UBR4: variants seen among roughly 807,000 people sequenced by gnomAD.
UBR4 encodes the protein E3 ubiquitin-protein ligase UBR4.
In UBR4, 124 loss-of-function variants were observed where a neutral mutation model predicts 575.6. The ratio of observed to expected loss-of-function variants is 0.22; its 90% CI spans 0.19 to 0.25. The LOEUF (loss-of-function observed/expected upper bound fraction) is 0.25. UBR4 is among the 10% of genes least tolerant of loss of function. The pLI, the probability that UBR4 is intolerant of heterozygous loss-of-function variation, is 1.00. For missense variants in UBR4, 4,818 were observed against 6,478.8 expected, an observed-to-expected ratio of 0.74 and a Z score of 8.80; for synonymous variants, 2,455 against 2,473.7, an observed-to-expected ratio of 0.99 and a Z score of 0.22.
chr1:19,187,112 T>C (rs544705653), intron 13 of UBR4, 52 bp downstream of exon 13: 22 of 1,348,760 alleles, frequency 1.6e-5, no homozygotes, highest in Non-Finnish European at 2.2e-5. Context: ...ATATATCATA[T>C]ATATAAAATG....
Position 19,105,860 on chromosome 1 carries a change from G to A in UBR4, c.12394-18C>T, listed in dbSNP as rs979389116. Reference sequence around the variant, plus strand: ...AAAAGCACCTGCAGGACAGGGGAGAGAAGGGGTCGTAGACTCAGAGGATGC... The same window carrying A: ...AAAAGCACCTGCAGGACAGGGGAGAAAAGGGGTCGTAGACTCAGAGGATGC... On this transcript the variant is annotated intron_variant, in intron 83 of 105. Transcript: ENST00000375254. 6.4e-7 allele frequency: 1 copy of A among 1,554,488 alleles called. No individual in the cohort carries two copies. The highest frequency in any genetic ancestry group is 1.4e-5 in the African/African-American group (1 of 72,856).
At chr1:19,122,800 C>T (rs761831730) in intron 66 of UBR4, 33 bp downstream of exon 66, 3 of 1,612,976 alleles carry the variant, frequency 1.9e-6, no homozygotes, top group East Asian at 2.2e-5. Context: ...TCACATCCCC[C>T]CTCCCTGCCC....
chr1:19,149,731 T>C (rs1220078845), intron 49 of UBR4: 1 of 1,298,610 alleles, frequency 7.7e-7, no homozygotes, highest in African/African-American at 1.5e-5. Context: ...ACACACTCAC[T>C]CGTGCAGAGA....
Position 19,160,260 on chromosome 1 carries a change from G to C in UBR4, c.5428C>G (p.Leu1810Val). ...AGGAAATTAAGCATGTCTAACACGA[G>C]AGGAGCGAAGGAGAAATTGGCCTGA... ...QNQANFSFAP[L>V]VLDMLNFLMD... The change falls in exon 39 of 106, where the codon CTC becomes GTC. Residue 1810 changes from leucine (L) to valine (V), a missense_variant. Leu to Val is a conservative substitution (Grantham distance 32). Coordinates refer to ENST00000375254, the MANE Select transcript of UBR4 (RefSeq NM_020765.3). 6.2e-7 allele frequency: 1 copy of C among 1,610,886 alleles called. No homozygotes were observed. Among genetic ancestry groups the C allele is most frequent in the Non-Finnish European group, 8.5e-7 (1 of 1,178,974 alleles).
At position 19,086,684 on chromosome 1, in the gene UBR4, G is replaced by A. The variant is rs142219121; in HGVS notation, c.14682C>T (p.Ala4894=). 38 of 1,614,018 alleles carry A rather than the reference G, an allele frequency of 2.4e-5. No homozygotes were observed. The highest frequency in any genetic ancestry group is 2.9e-5 in the Non-Finnish European group (34 of 1,179,984). ...NIVHYDCHLA[A]VRLARGREEW... ...CCGCAAGAGCCAGGGCCTACCTGAC[G>A]GCAGCCAGATGGCAGTCGTAGTGCA... The change falls in exon 100 of 106, where the codon GCC becomes GCT. Residue 4894 remains alanine (A), a synonymous_variant. Coordinates refer to ENST00000375254, the MANE Select transcript of UBR4 (RefSeq NM_020765.3).
chr1:19,075,628 G>C (rs573456401), intron 105 of UBR4: 1 of 153,420 alleles, frequency 6.5e-6, no homozygotes, highest in Non-Finnish European at 1.4e-5. Flanking sequence ...GGTCGACGAA[G>C]ACCATCCCAG....
rs552600430 is a variant in UBR4, at chr1:19,117,590, G to C, written c.10630-176C>G. Among the ~76,000 whole-genome samples the C allele has an allele frequency of 1.3e-5, 2 of 152,100 alleles. No individual in the cohort carries two copies. The highest frequency in any genetic ancestry group is 4.8e-5 in the African/African-American group (2 of 41,408). Reference sequence around the variant, plus strand: ...TTGCCCAGGCTGGTCTAAAACCCCTGGGCTCAGGGGATCCTCCCATCTTAG... The same window carrying C: ...TTGCCCAGGCTGGTCTAAAACCCCTCGGCTCAGGGGATCCTCCCATCTTAG... On this transcript the variant is annotated intron_variant, in intron 72 of 105. Transcript: ENST00000375254. This position sits in a 1 kb window ranked among gnomAD's most constrained non-coding sequence, Gnocchi z 4.0.
intron 81 of UBR4, among the ~76,000 whole-genome samples, chr1:19,107,580 C>T (rs1351647751): frequency 6.6e-6 from 1 of 152,018 alleles, no homozygotes; most frequent in Admixed American, 6.6e-5. Context: ...TCCAGGAGTT[C>T]GAGACCAGCC....
intron 66 of UBR4, 141 bp from the exon 67 acceptor site, chr1:19,122,153 G>C (rs1056385962): frequency 5.8e-5 from 47 of 812,724 alleles, no homozygotes; most frequent in Admixed American, 8.3e-5. Context: ...TGCTTGCTGA[G>C]ATGTCTGGTC....
In UBR4 at chr1:19,197,106, C is replaced by G. The variant is rs746935086; in HGVS notation, c.1018+35G>C. 3.7e-6 allele frequency: 6 copies of G among 1,608,300 alleles called. No homozygotes were observed. In the East Asian group the frequency reaches 1.3e-4, roughly 36 times the overall value. On this transcript the variant is annotated intron_variant, in intron 8 of 105. Coordinates refer to ENST00000375254, the MANE Select transcript of UBR4 (RefSeq NM_020765.3). ...TTCCTGAAAGTATATCTCTGCTTGA[C>G]TGAGAAAATGAGACCAGATATAATA...
At chr1:19,075,398 G>A (rs1273091993) in intron 105 of UBR4, 1 of 193,332 alleles carries the variant, frequency 5.2e-6, no homozygotes, top group African/African-American at 2.4e-5. Flanking sequence ...ACAGGCTCAT[G>A]CAACAGGCAC....
intron 44 of UBR4, among the ~76,000 whole-genome samples, chr1:19,154,207 G>A (rs1409390689): frequency 6.6e-6 from 1 of 152,222 alleles, no homozygotes; most frequent in Non-Finnish European, 1.5e-5. Flanking sequence ...TGTGCCTAGA[G>A]GCTATCAACT....
At position 19,086,901 on chromosome 1, in the gene UBR4, C is replaced by T. The variant is rs563008728; in HGVS notation, c.14545-80G>A. On this transcript the variant is annotated intron_variant, in intron 99 of 105. Coordinates refer to ENST00000375254, the MANE Select transcript of UBR4 (RefSeq NM_020765.3). ...GAGAAGCAGAATAGAGGGGAACTGC[C>T]GCCCTTCTTGGGCAATGCCTTGGGT... is the stretch of plus-strand genomic sequence containing the variant. 2.5e-5 allele frequency: 39 copies of T among 1,559,766 alleles called. 2 individuals are homozygous for T. The Middle Eastern group carries it at 1.6e-3, about 63-fold the overall frequency.
rs2089867661 is a variant in UBR4 at position 19,173,485 on chromosome 1, C to T, written c.3119G>A (p.Arg1040Gln). The T allele has an allele frequency of 2.5e-6, 4 of 1,614,126 alleles. No homozygotes were observed. The highest frequency in any genetic ancestry group is 3.4e-6 in the Non-Finnish European group (4 of 1,180,016). The change falls in exon 23 of 106, where the codon CGA (arginine) becomes CAA (glutamine). Residue 1040 changes from arginine to glutamine, a missense_variant. Coordinates refer to ENST00000375254, the MANE Select transcript of UBR4 (RefSeq NM_020765.3). Reference sequence around the variant, plus strand: ...GCTGATCCGGAGCCGAGAAGACCATCGCAGAGTGTGCAAGATGTCACATTC... The same window carrying T: ...GCTGATCCGGAGCCGAGAAGACCATTGCAGAGTGTGCAAGATGTCACATTC... Reference protein sequence around the residue: ...MSECDILHTLRWSSRLRISSY... With the variant: ...MSECDILHTLQWSSRLRISSY...
intron 68 of UBR4, 97 bp downstream of exon 68, chr1:19,121,090 ATC>A: frequency 2.7e-6 from 4 of 1,503,580 alleles, no homozygotes; most frequent in Non-Finnish European, 3.6e-6. Context: ...TCCCCTCTAA[ATC>A]AGGATTAAAA....
chr1:19,162,766 C>T (rs923955996), intron 34 of UBR4, among the ~76,000 whole-genome samples, 155 bp from the exon 35 acceptor site: 5 of 152,160 alleles, frequency 3.3e-5, no homozygotes, highest in African/African-American at 4.8e-5. Context: ...CCAGGTTTTA[C>T]CACTCCGTCC....
chr1:19,198,169 C>T, intron 5 of UBR4, 120 bp from the exon 6 acceptor site: 1 of 980,918 alleles, frequency 1.0e-6, no homozygotes, highest in Non-Finnish European at 1.5e-6. Flanking sequence ...GGGAAAATTC[C>T]TTACTCATGT....
chr1:19,152,388 G>C lies in UBR4; in HGVS notation c.6921C>G (p.Asp2307Glu). ...QLTDVEFGGN[D>E]LLQVYNAQQI... The stretch of plus-strand genomic sequence containing the variant: ...GTTGTGCATTATAGACCTGTAGGAG[G>C]TCGTTACCACCAAACTCCACATCTG... The change falls in exon 47 of 106, where the codon GAC becomes GAG. Residue 2307 changes from aspartate to glutamate, a missense_variant. Asp to Glu is a conservative substitution (Grantham distance 45). Coordinates refer to ENST00000375254, the MANE Select transcript of UBR4 (RefSeq NM_020765.3). The surrounding 1 kb of genome is among the most constrained non-coding windows in gnomAD (Gnocchi z 4.4). The C allele has an allele frequency of 6.2e-7, 1 of 1,613,938 alleles. No individual in the cohort carries two copies. Among genetic ancestry groups the C allele is most frequent in the South Asian group, 1.1e-5 (1 of 91,078 alleles).
At chr1:19,082,941 T>C (rs770535208) in intron 102 of UBR4, among the ~76,000 whole-genome samples, 1 of 152,142 alleles carries the variant, frequency 6.6e-6, no homozygotes, top group Non-Finnish European at 1.5e-5. Flanking sequence ...CAATGTCAAT[T>C]GGATAGCTGT....
Sources: gnomAD v4.1 joint callset for allele counts (sites outside exome capture counted in the v4.1 genomes callset) on GRCh38, gnomAD v4.1.1 for gene constraint, Gnocchi (gnomAD v3.1) non-coding constraint, MANE v1.5 for transcripts, NCBI Gene and HGNC (gene_info 2026-07-23, HGNC 2026-07-21) for gene names.